The following EXD2 variants were observed in gnomAD, a reference collection of about 807,000 sequenced individuals.
EXD2 encodes the protein exonuclease 3'-5' domain-containing protein 2.
EXD2 carries 40 observed loss-of-function variants against 62.5 expected under a neutral mutation model. That is an observed-to-expected ratio of 0.64 (90% CI 0.50 to 0.83). The LOEUF (loss-of-function observed/expected upper bound fraction) is 0.83, where lower values mean the gene tolerates loss of function less well. Ranked by LOEUF, EXD2 falls within the 40% of genes least tolerant of loss-of-function variation. The probability of loss-of-function intolerance (pLI) is 0.00; values close to 1 mark genes in which losing one functional copy is unlikely to be tolerated. For missense variants in EXD2, 671 were observed against 761.8 expected (o/e 0.88, Z 1.40); for synonymous variants, 239 against 291.9 (o/e 0.82, Z 1.85).
chr14:69,237,220 A>C (rs2043825446), intron 8 of EXD2, among the ~76,000 whole-genome samples: 1 of 152,106 alleles, frequency 6.6e-6, no homozygotes, highest in Non-Finnish European at 1.5e-5. Context: ...TTCTTGAGAG[A>C]GTTGTTTTCC....
chr14:69,194,427 C>T (rs573548591), intron 1 of EXD2, among the ~76,000 whole-genome samples: 4 of 152,250 alleles, frequency 2.6e-5, no homozygotes, highest in East Asian at 3.9e-4. Flanking sequence ...TGTGAGCCAC[C>T]GCGCCCGGCC....
chr14:69,199,554 C>CTATT (rs2042319124), intron 1 of EXD2, among the ~76,000 whole-genome samples: 8 of 152,000 alleles, frequency 5.3e-5, no homozygotes, highest in Non-Finnish European at 1.0e-4. Flanking sequence ...TGTTGTACAG[C>CTATT]TGTATAAAAA....
At chr14:69,203,684 A>G (rs898053109) in intron 1 of EXD2, among the ~76,000 whole-genome samples, 1 of 152,238 alleles carries the variant, frequency 6.6e-6, no homozygotes, top group Admixed American at 6.5e-5. Flanking sequence ...AGACTAGGTC[A>G]TGATCTGTTG....
At chr14:69,236,700 C>T (rs191533269) in intron 8 of EXD2, among the ~76,000 whole-genome samples, 158 bp downstream of exon 8, 133 of 152,256 alleles carry the variant, frequency 8.7e-4, no homozygotes, top group African/African-American at 2.8e-3. Flanking sequence ...GGTATTCTGC[C>T]GCCCTTGCTA....
chr14:69,211,213 A>G (rs989996855), intron 3 of EXD2, among the ~76,000 whole-genome samples: 13 of 152,086 alleles, frequency 8.5e-5, no homozygotes, highest in Non-Finnish European at 1.6e-4. Context: ...AGTTTATGCA[A>G]TATTCTAAAT....
At chr14:69,207,676 G>T (rs2042652133) in intron 2 of EXD2, among the ~76,000 whole-genome samples, 1 of 152,116 alleles carries the variant, frequency 6.6e-6, no homozygotes, top group South Asian at 2.1e-4. Flanking sequence ...TGCCTAGGGT[G>T]TTTTTGTTTG....
intron 1 of EXD2, among the ~76,000 whole-genome samples, chr14:69,199,550 A>G (rs1461240621): frequency 1.3e-5 from 2 of 152,202 alleles, no homozygotes; most frequent in Admixed American, 6.5e-5. Flanking sequence ...AATATGTTGT[A>G]CAGCTGTATA....
At chr14:69,217,997 G>A (rs549964695) in intron 3 of EXD2, among the ~76,000 whole-genome samples, 9 of 152,280 alleles carry the variant, frequency 5.9e-5, no homozygotes, top group East Asian at 1.9e-4. Context: ...ATAAACATAC[G>A]TGTGCATGTG....
chr14:69,236,260 C>T (rs1214794877), intron 7 of EXD2, 108 bp downstream of exon 7: 15 of 1,498,650 alleles, frequency 1.0e-5, no homozygotes, highest in African/African-American at 2.8e-5. Flanking sequence ...GCAGAGAGAC[C>T]GTGAGATGCA....
chr14:69,233,523 T>C (rs997956687), intron 5 of EXD2, among the ~76,000 whole-genome samples: 28 of 151,762 alleles, frequency 1.8e-4, no homozygotes, highest in African/African-American at 6.8e-4. Flanking sequence ...GCCTCCTGGG[T>C]TCAAGCCCCA....
At chr14:69,218,914 TGTA>T (rs1219174399) in intron 3 of EXD2, among the ~76,000 whole-genome samples, 1 of 152,224 alleles carries the variant, frequency 6.6e-6, no homozygotes, top group African/African-American at 2.4e-5. Context: ...ACTGTAGCCT[TGTA>T]GTATAGTTTG....
In EXD2 at chr14:69,237,880, C is replaced by T. The variant is rs771585469; in HGVS notation, c.1598C>T (p.Thr533Ile). The T allele has an allele frequency of 4.2e-5, 68 of 1,601,982 alleles. 1 individual carries two copies. Among genetic ancestry groups the T allele is most frequent in the Non-Finnish European group, 5.4e-5 (64 of 1,174,988 alleles). ...LLQALREFYNTDVVTEEMLQE... is the reference protein window; with the variant it reads ...LLQALREFYNIDVVTEEMLQE... ...CAAGCACTCAGAGAGTTTTATAACA[C>T]AGACGTGGTCACAGAGGAGATGCTT... is the stretch of plus-strand genomic sequence containing the variant. The change falls in exon 9 of 10, where the codon ACA becomes ATA. Residue 533 changes from threonine (T) to isoleucine (I), a missense_variant. By Grantham distance (89) the Thr-to-Ile change is moderately conservative. Transcript: ENST00000685843.
intron 1 of EXD2, among the ~76,000 whole-genome samples, chr14:69,199,466 A>G (rs1486858731): frequency 1.3e-5 from 2 of 152,250 alleles, no homozygotes; most frequent in African/African-American, 4.8e-5. Context: ...TTAGTTTACT[A>G]TAACTTTTTT....
intron 3 of EXD2, among the ~76,000 whole-genome samples, chr14:69,218,809 G>C (rs1012493492): frequency 1.3e-5 from 2 of 152,142 alleles, no homozygotes; most frequent in Admixed American, 6.5e-5. Context: ...TCAAAGATCA[G>C]ATGGTTGTAG....
intron 5 of EXD2, among the ~76,000 whole-genome samples, chr14:69,231,221 T>C (rs2043565940): frequency 6.6e-6 from 1 of 152,236 alleles, no homozygotes; most frequent in Non-Finnish European, 1.5e-5. Context: ...AGTAGTTCCC[T>C]GCATTACCTT....
rs1432638315 is a variant in EXD2, at chr14:69,227,314, T to C, written c.334-1502T>C. Among the ~76,000 whole-genome samples, 3 of 152,210 alleles carry C rather than the reference T, an allele frequency of 2.0e-5. No homozygotes were observed. In the East Asian group the frequency reaches 5.8e-4, roughly 29 times the overall value. On this transcript the variant is annotated intron_variant, in intron 3 of 9. Coordinates refer to ENST00000685843, the MANE Select transcript of EXD2 (RefSeq NM_001193360.2). ...TCTAGGGACTGGGAAATTTAGGTGATAGTGTGATAGCCCTAGCTTTGCCAT... is the reference window on the plus strand; with the variant it reads ...TCTAGGGACTGGGAAATTTAGGTGACAGTGTGATAGCCCTAGCTTTGCCAT...
chr14:69,240,796 T>A, intron 9 of EXD2, 88 bp from the exon 10 acceptor site: 1 of 1,167,178 alleles, frequency 8.6e-7, no homozygotes, highest in East Asian at 2.4e-5. Flanking sequence ...ACCTCCCCAG[T>A]TACCCTTGGC....
chr14:69,212,542 G>A (rs2042842951), intron 3 of EXD2, among the ~76,000 whole-genome samples: 3 of 149,900 alleles, frequency 2.0e-5, no homozygotes, highest in South Asian at 4.2e-4. Flanking sequence ...GAGACAGGGT[G>A]GTGTCACTCT....
intron 3 of EXD2, among the ~76,000 whole-genome samples, chr14:69,218,671 G>A (rs1354012366): frequency 6.6e-6 from 1 of 152,176 alleles, no homozygotes; most frequent in African/African-American, 2.4e-5. Context: ...AATCCATCTT[G>A]AATTAATTTT....
Sources: allele counts gnomAD v4.1 joint callset (sites outside exome capture counted in the v4.1 genomes callset), GRCh38; gene constraint gnomAD v4.1.1; transcripts MANE v1.5; gene names NCBI Gene and HGNC (gene_info 2026-07-23, HGNC 2026-07-21).